The following KMT5B variants were observed in gnomAD, a reference collection of about 807,000 sequenced individuals.
KMT5B encodes the protein lysine methyltransferase 5B.
In KMT5B, 10 loss-of-function variants were observed where a neutral mutation model predicts 83.2. The ratio of observed to expected loss-of-function variants is 0.12; its 90% CI spans 0.07 to 0.20. The LOEUF (loss-of-function observed/expected upper bound fraction) is 0.20, where lower values mean the gene tolerates loss of function less well. Among genes scored for constraint, KMT5B ranks in the 10% least tolerant of loss-of-function variants. The probability of loss-of-function intolerance (pLI) is 1.00; values close to 1 mark genes in which losing one functional copy is unlikely to be tolerated. For missense variants in KMT5B, 753 were observed against 1,067.2 expected, an observed-to-expected ratio of 0.71 and a Z score of 4.10; for synonymous variants, 349 against 388.8, an observed-to-expected ratio of 0.90 and a Z score of 1.20.
chr11:68,185,133 T>C (rs569601259), intron 3 of KMT5B, among the ~76,000 whole-genome samples: 1 of 152,136 alleles, frequency 6.6e-6, no homozygotes, highest in Non-Finnish European at 1.5e-5. Context: ...CTACTTTAGG[T>C]TGGAAATAAT....
chr11:68,186,072 T>C (rs1233886372), intron 2 of KMT5B, 144 bp from the exon 3 acceptor site: 11 of 734,656 alleles, frequency 1.5e-5, no homozygotes, highest in Non-Finnish European at 2.4e-5. Flanking sequence ...TTAATAACCT[T>C]TGCATAAGAC....
At position 68,185,785 on chromosome 11, in the gene KMT5B, T is replaced by A; in HGVS notation, c.304A>T (p.Thr102Ser). The change falls in exon 3 of 11, where the codon ACT (threonine) becomes TCT (serine). Residue 102 changes from threonine to serine, a missense_variant. Transcript: ENST00000304363. Reference protein sequence around the residue: ...YLGFQTHKMNTSAFPSRSSRH... With the variant: ...YLGFQTHKMNSSAFPSRSSRH... Reference sequence around the variant, plus strand: ...AGGATAAAGACTGAAAATTACCTAGTATTCATTTTGTGTGTTTGAAAACCT... The same window carrying A: ...AGGATAAAGACTGAAAATTACCTAGAATTCATTTTGTGTGTTTGAAAACCT... 1 of 1,613,076 alleles carries A rather than the reference T, an allele frequency of 6.2e-7. No individual in the cohort carries two copies. Among genetic ancestry groups the A allele is most frequent in the Non-Finnish European group, 8.5e-7 (1 of 1,179,394 alleles).
intron 10 of KMT5B, among the ~76,000 whole-genome samples, chr11:68,160,360 C>T (rs1854747404): frequency 6.6e-6 from 1 of 152,182 alleles, no homozygotes; most frequent in African/African-American, 2.4e-5. Flanking sequence ...TTACACAAGT[C>T]AGTTTCTCAA....
At chr11:68,174,657 T>C (rs1856179350) in intron 5 of KMT5B, among the ~76,000 whole-genome samples, 1 of 152,160 alleles carries the variant, frequency 6.6e-6, no homozygotes, top group Non-Finnish European at 1.5e-5. Context: ...GCTTCCTGAG[T>C]AGCCGGAACT....
chr11:68,166,723 G>A, intron 10 of KMT5B: 1 of 1,322,190 alleles, frequency 7.6e-7, no homozygotes, highest in South Asian at 1.9e-5. Flanking sequence ...TGATGACCTT[G>A]GAACATATGA....
chr11:68,203,159 A>G (rs1859664704), intron 1 of KMT5B, among the ~76,000 whole-genome samples: 1 of 151,612 alleles, frequency 6.6e-6, no homozygotes, highest in African/African-American at 2.4e-5. Flanking sequence ...TATTTTTAGG[A>G]GAGACGAGGT....
At chr11:68,213,595 C>T (rs530197666), upstream of KMT5B, 4 of 153,766 alleles carry the variant, frequency 2.6e-5, no homozygotes, top group East Asian at 1.9e-4. Flanking sequence ...CCTCATCGCC[C>T]CGCTGCCCTG....
chr11:68,213,624 C>G (rs965773687), upstream of KMT5B: 9 of 153,710 alleles, frequency 5.9e-5, no homozygotes, highest in African/African-American at 2.2e-4. Context: ...ACCGCCGCCG[C>G]GTCGCCGCCC....
At position 68,157,857 on chromosome 11, in the gene KMT5B, G is replaced by A; in HGVS notation, c.2489C>T (p.Ser830Phe). 2 of 1,614,064 alleles carry A rather than the reference G, an allele frequency of 1.2e-6. No homozygotes were observed. The highest frequency in any genetic ancestry group is 1.7e-6 in the Non-Finnish European group (2 of 1,179,992). The stretch of plus-strand genomic sequence containing the variant: ...CTCCTCTTCATCGCCCTCAGAAGAG[G>A]AGGAATCATCTGTACTTTCTTCCTC... Reference protein sequence around the residue: ...QYEEESTDDSSSSEGDEEEDD... With the variant: ...QYEEESTDDSFSSEGDEEEDD... The change falls in exon 11 of 11, where the codon TCC becomes TTC. Residue 830 changes from serine to phenylalanine, a missense_variant. By Grantham distance (155) the Ser-to-Phe change is radical. Coordinates refer to ENST00000304363, the MANE Select transcript of KMT5B (RefSeq NM_017635.5).
chr11:68,203,262 CCGCA>C (rs1859683377), intron 1 of KMT5B, among the ~76,000 whole-genome samples: 1 of 152,242 alleles, frequency 6.6e-6, no homozygotes, highest in Non-Finnish European at 1.5e-5. Context: ...GCGTGAGGCA[CCGCA>C]CCCGGCCCCA....
At chr11:68,204,035 C>A (rs1209926513) in intron 1 of KMT5B, among the ~76,000 whole-genome samples, 1 of 152,166 alleles carries the variant, frequency 6.6e-6, no homozygotes, top group Non-Finnish European at 1.5e-5. Flanking sequence ...CAACAGCTTT[C>A]CCAAGTACCC....
intron 6 of KMT5B, 142 bp downstream of exon 6, chr11:68,173,662 T>TGGGC (rs1327541707): frequency 2.7e-5 from 16 of 584,686 alleles, no homozygotes; most frequent in Non-Finnish European, 4.7e-5. Context: ...CTCCAGCTGA[T>TGGGC]GGGCCAAGGC....
intron 9 of KMT5B, among the ~76,000 whole-genome samples, chr11:68,170,433 C>G (rs949343351): frequency 2.0e-5 from 3 of 152,116 alleles, no homozygotes; most frequent in Admixed American, 2.0e-4. Flanking sequence ...GAGCCTGTGA[C>G]GCTCCCTTCA....
chr11:68,176,950 G>A (rs1190538071), intron 4 of KMT5B, among the ~76,000 whole-genome samples: 1 of 152,136 alleles, frequency 6.6e-6, no homozygotes, highest in African/African-American at 2.4e-5. Flanking sequence ...TAAAATTGAG[G>A]TAAGATCTAG....
At position 68,157,515 on chromosome 11, in the gene KMT5B, GCACAAAT is replaced by G. The variant is rs1252517694; in HGVS notation, c.*166_*172del. 1 of 933,252 alleles carries G rather than the reference GCACAAAT, an allele frequency of 1.1e-6. No homozygotes were observed. Among genetic ancestry groups the G allele is most frequent in the Non-Finnish European group, 1.4e-6 (1 of 702,838 alleles). 57.8% of individuals were successfully genotyped at this position (933,252 alleles called of 1,614,324 possible). On this transcript the variant is annotated 3_prime_UTR_variant, in exon 11 of 11. Transcript: ENST00000304363. ...TATTTAAAAAGTACGATAAAAATTTGCACAAATCAGACTTAAGAATTGAGTCAGTATG... is the reference window on the plus strand; with the variant it reads ...TATTTAAAAAGTACGATAAAAATTTGCAGACTTAAGAATTGAGTCAGTATG...
chr11:68,181,404 G>A (rs1856920362), intron 3 of KMT5B, among the ~76,000 whole-genome samples: 1 of 152,062 alleles, frequency 6.6e-6, no homozygotes, highest in Non-Finnish European at 1.5e-5. Context: ...CATTCTTCCT[G>A]TTGGTAGACT....
intron 10 of KMT5B, 115 bp downstream of exon 10, chr11:68,166,867 C>A: frequency 6.7e-7 from 1 of 1,486,496 alleles, no homozygotes; most frequent in Non-Finnish European, 8.9e-7. Context: ...CCAAAGCTCA[C>A]AAGTCCCAGT....
At chr11:68,206,270 C>G (rs78544158) in intron 1 of KMT5B, among the ~76,000 whole-genome samples, 1,659 of 152,314 alleles carry the variant, frequency 0.011, 56 homozygotes, top group East Asian at 0.099. Context: ...ACTGTTTTCT[C>G]TAGGACTCAA....
chr11:68,162,914 A>G (rs191755230), intron 10 of KMT5B, among the ~76,000 whole-genome samples: 2 of 152,356 alleles, frequency 1.3e-5, no homozygotes, highest in African/African-American at 4.8e-5. Flanking sequence ...ATGAGGACCC[A>G]GTAGAGTGAC....
Sources: gnomAD v4.1 joint callset for allele counts (sites outside exome capture counted in the v4.1 genomes callset) on GRCh38, gnomAD v4.1.1 for gene constraint, MANE v1.5 for transcripts, NCBI Gene and HGNC (gene_info 2026-07-23, HGNC 2026-07-21) for gene names.